SCD5: variants seen among roughly 807,000 people sequenced by gnomAD.
The protein encoded by SCD5 is acyl-CoA-desaturase 4.
A neutral mutation model predicts 30.4 loss-of-function variants in SCD5; 20 were observed. That is an observed-to-expected ratio of 0.66 (90% CI 0.46 to 0.96). The LOEUF is 0.96. SCD5 is among the 40% of genes least tolerant of loss of function. The pLI is 0.00. For synonymous variants in SCD5, 173 were observed against 176.4 expected (o/e 0.98, Z 0.16); for missense variants, 381 against 443.3 (o/e 0.86, Z 1.26).
At chr4:82,729,846 C>T (rs564076539) in intron 1 of SCD5, among the ~76,000 whole-genome samples, 50 of 152,250 alleles carry the variant, frequency 3.3e-4, no homozygotes, top group African/African-American at 1.0e-3. Flanking sequence ...CTTACCAGCC[C>T]GGAGAGGGCA....
chr4:82,652,322 A>C (rs1298187482), intron 3 of SCD5, among the ~76,000 whole-genome samples: 1 of 152,248 alleles, frequency 6.6e-6, no homozygotes, highest in Non-Finnish European at 1.5e-5. Context: ...TAATTAAGCA[A>C]GCACAGTTTC....
At chr4:82,756,063 C>G (rs1721227839) in intron 1 of SCD5, among the ~76,000 whole-genome samples, 1 of 152,108 alleles carries the variant, frequency 6.6e-6, no homozygotes, top group African/African-American at 2.4e-5. Flanking sequence ...ACAAGAGGCT[C>G]CAGGAGGAAG....
At chr4:82,713,480 T>C (rs927793408) in intron 1 of SCD5, among the ~76,000 whole-genome samples, 6 of 152,218 alleles carry the variant, frequency 3.9e-5, no homozygotes, top group African/African-American at 4.8e-5. Context: ...ATTCAGTATA[T>C]ACATGGCTCA....
intron 1 of SCD5, among the ~76,000 whole-genome samples, chr4:82,738,369 C>A (rs566829486): frequency 1.3e-5 from 2 of 152,298 alleles, no homozygotes; most frequent in African/African-American, 4.8e-5. Context: ...TTGCAGTGAG[C>A]CGAGATCGTG....
intron 1 of SCD5, among the ~76,000 whole-genome samples, chr4:82,730,229 TA>T (rs760218215): frequency 0.51 from 74,236 of 146,092 alleles, 19,567 homozygotes; most frequent in African/African-American, 0.64. Flanking sequence ...TTATATTATA[TA>T]TAATATTTAA....
rs753262237 is a variant in SCD5 at position 82,788,753 on chromosome 4, T to C, written c.232+9553A>G. Among the ~76,000 whole-genome samples, 3 of 152,146 alleles carry C rather than the reference T, an allele frequency of 2.0e-5. No homozygotes were observed. In the East Asian group the frequency reaches 5.8e-4, roughly 29 times the overall value. ...AGCTGTGAGGTAACCAGGAAAGATT[T>C]TGTCTCTGATAAAATGAAACTTCAG... On this transcript the variant is annotated intron_variant, in intron 1 of 4. Transcript: ENST00000319540.
intron 1 of SCD5, among the ~76,000 whole-genome samples, chr4:82,752,549 G>A (rs1259948166): frequency 6.6e-6 from 1 of 152,132 alleles, no homozygotes; most frequent in African/African-American, 2.4e-5. Context: ...AAAGAGATGG[G>A]GCTGAGGAGA....
At chr4:82,718,415 C>CT (rs1720279249) in intron 1 of SCD5, among the ~76,000 whole-genome samples, 1 of 151,726 alleles carries the variant, frequency 6.6e-6, no homozygotes, top group South Asian at 2.1e-4. Flanking sequence ...TCCTCTCGTC[C>CT]TTTTTTCTGA....
At chr4:82,676,089 A>C (rs1359305335) in intron 3 of SCD5, among the ~76,000 whole-genome samples, 1 of 152,116 alleles carries the variant, frequency 6.6e-6, no homozygotes, top group East Asian at 1.9e-4. Context: ...TCAACTCAGC[A>C]ATGTGCTCCC....
In SCD5 at chr4:82,685,685, C is replaced by G. The variant is rs140496829; in HGVS notation, c.364-4773G>C. 1.1e-4 allele frequency among the ~76,000 whole-genome samples: 16 copies of G among 151,006 alleles called. No homozygotes were observed. In the East Asian group the frequency reaches 2.9e-3, roughly 28 times the overall value. On this transcript the variant is annotated intron_variant, in intron 2 of 4. Coordinates refer to ENST00000319540, the MANE Select transcript of SCD5 (RefSeq NM_001037582.3). The stretch of plus-strand genomic sequence containing the variant: ...CGAGATCACACCACTGCACTCCAGC[C>G]TGGGTGACAGAGCAAGACTCTGTCT...
intron 1 of SCD5, among the ~76,000 whole-genome samples, chr4:82,798,024 C>T (rs1289075378): frequency 2.0e-5 from 3 of 151,572 alleles, no homozygotes; most frequent in Non-Finnish European, 4.4e-5. Flanking sequence ...CGGGTCCCCC[C>T]CGGCTCTCCA....
At chr4:82,698,055 T>C (rs1189598139) in intron 2 of SCD5, 2 of 456,678 alleles carry the variant, frequency 4.4e-6, no homozygotes, top group Non-Finnish European at 8.8e-6. Flanking sequence ...TGTCAGGGCA[T>C]CTGGGTCAGG....
Position 82,759,177 on chromosome 4 carries a change from C to T in SCD5, c.232+39129G>A, listed in dbSNP as rs150583571. Among the ~76,000 whole-genome samples the T allele has an allele frequency of 1.5e-3, 225 of 152,348 alleles. 1 individual carries two copies. The highest frequency in any genetic ancestry group is 5.2e-3 in the African/African-American group (217 of 41,592). On this transcript the variant is annotated intron_variant, in intron 1 of 4. Transcript: ENST00000319540. ...AGTGAGTTCTTCACAAGCATGTGGCCTCCATGACAGCAGGGAATTGAGTTC... is the reference window on the plus strand; with the variant it reads ...AGTGAGTTCTTCACAAGCATGTGGCTTCCATGACAGCAGGGAATTGAGTTC...
intron 3 of SCD5, chr4:82,660,779 G>C (rs1727982880): frequency 1.9e-6 from 3 of 1,588,248 alleles, no homozygotes; most frequent in Non-Finnish European, 1.7e-6. Context: ...CTCTGTCTAT[G>C]CTTCACACCG....
At chr4:82,754,639 G>A (rs575253320) in intron 1 of SCD5, among the ~76,000 whole-genome samples, 9 of 152,316 alleles carry the variant, frequency 5.9e-5, no homozygotes, top group Admixed American at 5.2e-4. Flanking sequence ...ATTTGCCAAG[G>A]GAGACGATCT....
chr4:82,672,600 C>T (rs779349770), intron 3 of SCD5, among the ~76,000 whole-genome samples: 1 of 151,816 alleles, frequency 6.6e-6, no homozygotes, highest in Non-Finnish European at 1.5e-5. Flanking sequence ...TTGGTGAATT[C>T]GACCATATAT....
In SCD5 at chr4:82,798,325, C is replaced by T. The variant is rs766434975; in HGVS notation, c.213G>A (p.Lys71=). Residue 71 remains lysine (K), a synonymous_variant, in exon 1 of 5, where the codon AAG becomes AAA. Transcript: ENST00000319540. ...VYSLVLIPKA[K]PLTLLWAYFC... is the part of the protein sequence containing the mutation. ...ACTTACCCCAGAGCAGAGTGAGTGG[C>T]TTGGCTTTGGGGATGAGCACCAGGG... The T allele has an allele frequency of 1.2e-6, 2 of 1,610,976 alleles. No homozygotes were observed. Among genetic ancestry groups the T allele is most frequent in the Non-Finnish European group, 1.7e-6 (2 of 1,178,846 alleles).
Position 82,798,349 on chromosome 4 carries a change from G to T in SCD5, c.189C>A (p.Ser63=), listed in dbSNP as rs1722274918. Residue 63 remains serine, a synonymous_variant, in exon 1 of 5, where the codon TCC becomes TCA. Coordinates refer to ENST00000319540, the MANE Select transcript of SCD5 (RefSeq NM_001037582.3). ...MSLLHLGAVY[S]LVLIPKAKPL... ...GCTTGGCTTTGGGGATGAGCACCAG[G>T]GAGTACACGGCCCCCAAGTGGAGCA... 4 of 1,613,146 alleles carry T rather than the reference G, an allele frequency of 2.5e-6. No homozygotes were observed. The highest frequency in any genetic ancestry group is 3.4e-6 in the Non-Finnish European group (4 of 1,179,508).
intron 2 of SCD5, among the ~76,000 whole-genome samples, chr4:82,692,943 A>G (rs539394586): frequency 5.3e-5 from 8 of 152,216 alleles, no homozygotes; most frequent in African/African-American, 1.9e-4. Context: ...AGCCAGGGGG[A>G]CCCAGGCAAG....
Sources: gnomAD v4.1 joint callset for allele counts (sites outside exome capture counted in the v4.1 genomes callset) on GRCh38, gnomAD v4.1.1 for gene constraint, MANE v1.5 for transcripts, NCBI Gene and HGNC (gene_info 2026-07-23, HGNC 2026-07-21) for gene names.